The following CCDC85A variants were observed in gnomAD, a reference collection of about 807,000 sequenced individuals.
The protein encoded by CCDC85A is coiled-coil domain-containing protein 85A.
Under a neutral mutation model 50.2 loss-of-function variants are expected in CCDC85A, and 38 were observed. The ratio of observed to expected loss-of-function variants is 0.76; its 90% CI spans 0.58 to 0.99. CCDC85A has a LOEUF of 0.99. CCDC85A is among the 50% of genes least tolerant of loss of function. The pLI is 0.00. For synonymous variants in CCDC85A, 366 were observed against 301.4 expected (o/e 1.21, Z -2.22); for missense variants, 820 against 742.0 (o/e 1.11, Z -1.22).
intron 3 of CCDC85A, among the ~76,000 whole-genome samples, chr2:56,355,805 G>A (rs976333560): frequency 1.3e-5 from 2 of 152,180 alleles, no homozygotes; most frequent in African/African-American, 2.4e-5. Flanking sequence ...AAGGAATTGG[G>A]TATTGTCTTT....
At position 56,345,496 on chromosome 2, in the gene CCDC85A, C is replaced by G. The variant is rs143382918; in HGVS notation, c.1317+2541C>G. ...GACATATGCAAAGAATGCAGTAGATCTGTCAATTCAAAAACAGGATTTCTG... is the reference window on the plus strand; with the variant it reads ...GACATATGCAAAGAATGCAGTAGATGTGTCAATTCAAAAACAGGATTTCTG... On this transcript the variant is annotated intron_variant, in intron 3 of 5. Transcript: ENST00000407595. 7.9e-5 allele frequency among the ~76,000 whole-genome samples: 12 copies of G among 152,302 alleles called. 1 individual carries two copies. In the East Asian group the frequency reaches 1.9e-3, roughly 24 times the overall value.
chr2:56,366,924 C>A (rs1675825957), intron 3 of CCDC85A, among the ~76,000 whole-genome samples: 1 of 152,032 alleles, frequency 6.6e-6, no homozygotes, highest in South Asian at 2.1e-4. Context: ...TCTATTTAAT[C>A]TTTTGCCATT....
chr2:56,226,791 T>G (rs1379281324), intron 2 of CCDC85A, among the ~76,000 whole-genome samples: 1 of 152,036 alleles, frequency 6.6e-6, no homozygotes, highest in East Asian at 1.9e-4. Flanking sequence ...ACCTTTAAAA[T>G]ATCTCTTACA....
intron 2 of CCDC85A, among the ~76,000 whole-genome samples, chr2:56,201,323 T>C (rs1353955341): frequency 1.3e-5 from 2 of 152,080 alleles, no homozygotes; most frequent in Admixed American, 6.5e-5. Context: ...GCTGGTATGG[T>C]TGAGGGATAG....
At chr2:56,230,160 G>A (rs900540624) in intron 2 of CCDC85A, among the ~76,000 whole-genome samples, 9 of 152,070 alleles carry the variant, frequency 5.9e-5, no homozygotes, top group African/African-American at 1.9e-4. Flanking sequence ...TTTTACTTGC[G>A]TTTTCTGTGT....
intron 2 of CCDC85A, chr2:56,235,474 A>T (rs1210137413): frequency 1.3e-5 from 2 of 149,432 alleles, no homozygotes; most frequent in East Asian, 3.9e-4. Context: ...TGAAAAAGGT[A>T]AATTAGGGAA....
At chr2:56,190,930 A>C (rs1262179811) in intron 1 of CCDC85A, among the ~76,000 whole-genome samples, 2 of 152,148 alleles carry the variant, frequency 1.3e-5, no homozygotes, top group African/African-American at 2.4e-5. Context: ...GCTCCCTAAC[A>C]ACCCAAAGCC....
intron 2 of CCDC85A, among the ~76,000 whole-genome samples, chr2:56,221,323 A>G (rs1020912639): frequency 6.6e-6 from 1 of 151,970 alleles, no homozygotes; most frequent in Admixed American, 6.6e-5. Context: ...ACCAGGTTCC[A>G]TTTAACCGAC....
At position 56,192,182 on chromosome 2, in the gene CCDC85A, CTGA is replaced by C. The variant is rs1676325578; in HGVS notation, c.277-293_277-291del. ...AGTAAAGTATTGTGCAGGGATAGAA[CTGA>C]TACTTAAGTTAGTTTAATTTTTATG... is the stretch of plus-strand genomic sequence containing the variant. On this transcript the variant is annotated intron_variant, in intron 1 of 5. Transcript: ENST00000407595. The surrounding 1 kb of genome is among the most constrained non-coding windows in gnomAD (Gnocchi z 4.7). 6.6e-6 allele frequency among the ~76,000 whole-genome samples: 1 copy of C among 151,642 alleles called. No homozygotes were observed. The highest frequency in any genetic ancestry group is 2.4e-5 in the African/African-American group (1 of 41,236).
intron 3 of CCDC85A, among the ~76,000 whole-genome samples, chr2:56,357,402 TACAGTTGATGCC>T (rs1675286910): frequency 6.6e-6 from 1 of 152,266 alleles, no homozygotes; most frequent in Non-Finnish European, 1.5e-5. Context: ...TTCTTGTGGC[TACAGTTGATGCC>T]ATAATTTATT....
chr2:56,288,737 TA>T (rs921524454), intron 2 of CCDC85A, among the ~76,000 whole-genome samples: 2 of 152,084 alleles, frequency 1.3e-5, no homozygotes, highest in African/African-American at 4.8e-5. Flanking sequence ...CAATATTTTT[TA>T]AAAAACAAAT....
chr2:56,379,820 A>T, intron 5 of CCDC85A: 1 of 983,406 alleles, frequency 1.0e-6, no homozygotes, highest in South Asian at 4.7e-5. Flanking sequence ...AGTGAGACAG[A>T]AAAAGCTATA....
intron 2 of CCDC85A, among the ~76,000 whole-genome samples, chr2:56,211,462 CATCCTGTGGGTGTTATCACT>C (rs1279804563): frequency 1.3e-5 from 2 of 152,008 alleles, no homozygotes; most frequent in Non-Finnish European, 1.5e-5. Context: ...ATTTTTAAAA[CATCCTGTGGGTGTTATCACT>C]ATCATTGTAA....
intron 2 of CCDC85A, among the ~76,000 whole-genome samples, chr2:56,273,967 C>T (rs753565335): frequency 2.6e-5 from 4 of 151,774 alleles, no homozygotes; most frequent in Non-Finnish European, 4.4e-5. Context: ...TATGGAAAGC[C>T]CTAAAATGAT....
Position 56,368,025 on chromosome 2 carries a change from C to G in CCDC85A, c.1318-4319C>G, listed in dbSNP as rs571314467. Among the ~76,000 whole-genome samples the G allele has an allele frequency of 1.2e-3, 184 of 151,802 alleles. 1 individual carries two copies. The highest frequency in any genetic ancestry group is 4.3e-3 in the African/African-American group (180 of 41,460). On this transcript the variant is annotated intron_variant, in intron 3 of 5. Coordinates refer to ENST00000407595, the MANE Select transcript of CCDC85A (RefSeq NM_001080433.2). ...AGAATTTAAACTCCGGCACTGCGAC[C>G]CTGGAGTCTGTGATTTGAACTCACT...
chr2:56,300,648 T>A (rs899012921), intron 2 of CCDC85A, among the ~76,000 whole-genome samples: 1 of 152,214 alleles, frequency 6.6e-6, no homozygotes, highest in African/African-American at 2.4e-5. Context: ...ACCTTGGAGT[T>A]TGTGAACTCA....
chr2:56,314,221 G>A (rs371067737), intron 2 of CCDC85A, among the ~76,000 whole-genome samples: 14 of 151,466 alleles, frequency 9.2e-5, no homozygotes, highest in East Asian at 3.9e-4. Context: ...CATAGCTGCC[G>A]AGCAGAATTG....
chr2:56,275,252 C>G (rs1451347477), intron 2 of CCDC85A, among the ~76,000 whole-genome samples: 5 of 152,170 alleles, frequency 3.3e-5, no homozygotes, highest in Non-Finnish European at 7.3e-5. Flanking sequence ...TCCCCAGCTA[C>G]ATGGCAGCAT....
In CCDC85A at chr2:56,193,314, C is replaced by CACA; in HGVS notation, c.1116_1118dup (p.His372_Lys373insAsn). On this transcript the variant is annotated inframe_insertion, in exon 2 of 6. Coordinates refer to ENST00000407595, the MANE Select transcript of CCDC85A (RefSeq NM_001080433.2). The stretch of plus-strand genomic sequence containing the variant: ...ACAACATTATGGAGGGAGCCCTGAT[C>CACA]ACAAACACGGAGGAGGCAGTGGAGG... 6.2e-7 allele frequency: 1 copy of CACA among 1,613,448 alleles called. No individual in the cohort carries two copies. Among genetic ancestry groups the CACA allele is most frequent in the Non-Finnish European group, 8.5e-7 (1 of 1,179,628 alleles).
Sources: allele counts gnomAD v4.1 joint callset (sites outside exome capture counted in the v4.1 genomes callset), GRCh38; gene constraint gnomAD v4.1.1; non-coding constraint Gnocchi (gnomAD v3.1); transcripts MANE v1.5; gene names NCBI Gene and HGNC (gene_info 2026-07-23, HGNC 2026-07-21).